The following ADAM2 variants were observed in gnomAD, a reference collection of about 807,000 sequenced individuals.
ADAM2 encodes disintegrin and metalloproteinase domain-containing protein 2.
ADAM2 carries 101 observed loss-of-function variants against 99.3 expected under a neutral mutation model. That is an observed-to-expected ratio of 1.02 (90% CI 0.87 to 1.20). ADAM2 has a LOEUF of 1.20. ADAM2 is among the 50% of genes most tolerant of loss of function. The pLI is 0.00. For synonymous variants in ADAM2, 323 were observed against 287.6 expected, an observed-to-expected ratio of 1.12 and a Z score of -1.25; for missense variants, 948 against 878.7, an observed-to-expected ratio of 1.08 and a Z score of -1.00.
At chr8:39,749,564 GGTGTGTGTGTGTGTGTGTGTGCGT>G in intron 17 of ADAM2, 79 bp downstream of exon 17, 4 of 1,166,830 alleles carry the variant, frequency 3.4e-6, no homozygotes, top group Non-Finnish European at 4.7e-6. Flanking sequence ...TATATGTTTT[GGTGTGTGTGTGTGTGTGTGTGCGT>G]GTGTGTGTGT....
chr8:39,788,386 T>C (rs970171462), intron 8 of ADAM2, 135 bp from the exon 9 acceptor site: 2 of 577,520 alleles, frequency 3.5e-6, no homozygotes, highest in Non-Finnish European at 5.6e-6. Context: ...TTAAAGTAGA[T>C]TAGTAAGTTT....
chr8:39,769,449 TGCTTGCTGTTTGAAAAAAGGATCTAA>T lies in ADAM2; in HGVS notation c.1129_1154del (p.Leu377SerfsTer4). 5.0e-6 allele frequency: 8 copies of T among 1,614,096 alleles called. No individual in the cohort carries two copies. Among genetic ancestry groups the T allele is most frequent in the Non-Finnish European group, 5.9e-6 (7 of 1,179,952 alleles). On this transcript the variant is annotated frameshift_variant, in exon 12 of 21. Transcript: ENST00000265708. LOFTEE classifies it high-confidence loss of function. ...CTTCCAGCTTTGCATTACCACACAC[TGCTTGCTGTTTGAAAAAAGGATCTAA>T]GCGAGGCTGATTGTGAAGACACTGG...
intron 6 of ADAM2, among the ~76,000 whole-genome samples, chr8:39,810,974 T>G (rs1230714661): frequency 2.6e-5 from 4 of 151,784 alleles, no homozygotes; most frequent in Non-Finnish European, 2.9e-5. Flanking sequence ...AAAAAAACCC[T>G]TCAAAAAAAT....
intron 16 of ADAM2, among the ~76,000 whole-genome samples, chr8:39,754,516 G>A (rs558969657): frequency 1.3e-5 from 2 of 152,112 alleles, no homozygotes; most frequent in South Asian, 4.2e-4. Context: ...AGATAGTCTT[G>A]GGCATTAATT....
At chr8:39,772,638 C>T (rs1802828433) in intron 11 of ADAM2, among the ~76,000 whole-genome samples, 1 of 151,976 alleles carries the variant, frequency 6.6e-6, no homozygotes, top group Non-Finnish European at 1.5e-5. Flanking sequence ...AATCTAAATA[C>T]AGACTTAATC....
At chr8:39,816,107 C>A (rs567861237) in intron 6 of ADAM2, among the ~76,000 whole-genome samples, 5 of 152,052 alleles carry the variant, frequency 3.3e-5, no homozygotes, top group Admixed American at 6.6e-5. Context: ...ACCAGCCTGG[C>A]CAACATGGTG....
intron 12 of ADAM2, among the ~76,000 whole-genome samples, chr8:39,769,029 A>G (rs1802674934): frequency 6.6e-6 from 1 of 152,228 alleles, no homozygotes; most frequent in South Asian, 2.1e-4. Context: ...TGGTGAGATT[A>G]CAGGTATGTT....
At chr8:39,754,727 C>A (rs1802080889) in intron 16 of ADAM2, among the ~76,000 whole-genome samples, 1 of 152,052 alleles carries the variant, frequency 6.6e-6, no homozygotes, top group South Asian at 2.1e-4. Flanking sequence ...TTACTGTATT[C>A]TGTTACTTAT....
At chr8:39,813,878 T>C (rs1804808396) in intron 6 of ADAM2, among the ~76,000 whole-genome samples, 1 of 151,910 alleles carries the variant, frequency 6.6e-6, no homozygotes, top group African/African-American at 2.4e-5. Context: ...GGAAGAAAGC[T>C]GCACGTTGTG....
At chr8:39,746,412 G>A in intron 19 of ADAM2, 60 bp downstream of exon 19, 1 of 1,117,080 alleles carries the variant, frequency 9.0e-7, no homozygotes, top group Non-Finnish European at 1.3e-6. Flanking sequence ...CGACCACATT[G>A]CTATTTACTA....
chr8:39,831,000 G>A (rs574793219), intron 3 of ADAM2, among the ~76,000 whole-genome samples: 2 of 152,258 alleles, frequency 1.3e-5, no homozygotes, highest in South Asian at 4.1e-4. Context: ...GCATGAAGGA[G>A]CCATTTAAGA....
At chr8:39,821,198 G>A in intron 5 of ADAM2, 28 bp from the exon 6 acceptor site, 1 of 1,444,172 alleles carries the variant, frequency 6.9e-7, no homozygotes, top group East Asian at 2.3e-5. Flanking sequence ...AAATTAATAA[G>A]TAAAACAATG....
At chr8:39,806,229 A>G (rs1385847741) in intron 7 of ADAM2, among the ~76,000 whole-genome samples, 6 of 152,096 alleles carry the variant, frequency 3.9e-5, no homozygotes, top group Non-Finnish European at 8.8e-5. Context: ...GACAACCACT[A>G]GGAATCCAGG....
In ADAM2 at chr8:39,749,184, C is replaced by T. The variant is rs946312392; in HGVS notation, c.2014+128G>A. 1.9e-5 allele frequency: 15 copies of T among 781,078 alleles called. No homozygotes were observed. The East Asian group carries it at 3.8e-4, about 20-fold the overall frequency. 48.4% of individuals were successfully genotyped at this position (781,078 alleles called of 1,614,324 possible). A position where few individuals can be genotyped will look rare whatever the true frequency, so the allele number is the denominator to read the frequency against. On this transcript the variant is annotated intron_variant, in intron 18 of 20. Coordinates refer to ENST00000265708, the MANE Select transcript of ADAM2 (RefSeq NM_001464.5). Reference sequence around the variant, plus strand: ...TCTGGAAGTGGAAGTAACACATACACATTCATGTGCAGTTTAATGTCTAAA... The same window carrying T: ...TCTGGAAGTGGAAGTAACACATACATATTCATGTGCAGTTTAATGTCTAAA...
chr8:39,804,347 T>C (rs1234219231), intron 7 of ADAM2, among the ~76,000 whole-genome samples: 4 of 152,002 alleles, frequency 2.6e-5, no homozygotes, highest in African/African-American at 7.2e-5. Flanking sequence ...ACGGTAATCA[T>C]GAAACCATAG....
At chr8:39,810,250 A>G (rs997877609) in intron 6 of ADAM2, among the ~76,000 whole-genome samples, 4 of 152,224 alleles carry the variant, frequency 2.6e-5, no homozygotes, top group East Asian at 1.9e-4. Flanking sequence ...CTAAATATAT[A>G]TGAGCCAAAT....
At chr8:39,829,502 G>A (rs924384528) in intron 3 of ADAM2, among the ~76,000 whole-genome samples, 1 of 151,832 alleles carries the variant, frequency 6.6e-6, no homozygotes, top group Admixed American at 6.6e-5. Context: ...ATCACAGTAG[G>A]ACATAAGTAT....
chr8:39,769,322 G>T, intron 12 of ADAM2, 70 bp downstream of exon 12: 1 of 1,252,898 alleles, frequency 8.0e-7, no homozygotes, highest in Non-Finnish European at 1.1e-6. Flanking sequence ...GAAAATGGCA[G>T]TTTCTCACTC....
rs1328591574 is a variant in ADAM2 at position 39,749,360 on chromosome 8, T to C, written c.1966A>G (p.Ile656Val). Residue 656 changes from isoleucine to valine, a missense_variant, in exon 18 of 21, where the codon ATT becomes GTT. By Grantham distance (29) the Ile-to-Val change is conservative. Transcript: ENST00000265708. ...ACAGGTGGAAAATTGCCACTGTCAA[T>C]ACTCCCACCAGGCCATAGATCTGAT... ...VQSDLWPGGSIDSGNFPPVAI... is the reference protein window; with the variant it reads ...VQSDLWPGGSVDSGNFPPVAI... 1.2e-6 allele frequency: 2 copies of C among 1,613,294 alleles called. No individual in the cohort carries two copies. The highest frequency in any genetic ancestry group is 1.7e-5 in the Admixed American group (1 of 59,960).
Sources: allele counts gnomAD v4.1 joint callset (sites outside exome capture counted in the v4.1 genomes callset), GRCh38; gene constraint gnomAD v4.1.1; transcripts MANE v1.5; gene names NCBI Gene and HGNC (gene_info 2026-07-23, HGNC 2026-07-21).